The following CCBE1 variants were observed in gnomAD, a reference collection of about 807,000 sequenced individuals.
The protein encoded by CCBE1 is collagen and calcium-binding EGF domain-containing protein 1.
Under a neutral mutation model 50.0 loss-of-function variants are expected in CCBE1, and 37 were observed. The observed-to-expected ratio is 0.74, with a 90% CI of 0.57 to 0.97. The LOEUF is 0.97. Among genes scored for constraint, CCBE1 ranks in the 50% least tolerant of loss-of-function variants. CCBE1 has a pLI of 0.00. For missense variants in CCBE1, 538 were observed against 523.8 expected, an observed-to-expected ratio of 1.03 and a Z score of -0.26; for synonymous variants, 234 against 203.7, an observed-to-expected ratio of 1.15 and a Z score of -1.27.
At chr18:59,498,178 G>A (rs1008094000) in intron 2 of CCBE1, among the ~76,000 whole-genome samples, 1 of 151,472 alleles carries the variant, frequency 6.6e-6, no homozygotes, top group Non-Finnish European at 1.5e-5. Flanking sequence ...TGGCATTTCT[G>A]TTCTTTGCAA....
chr18:59,524,693 A>AAT (rs1914745344), intron 2 of CCBE1, among the ~76,000 whole-genome samples: 1 of 152,194 alleles, frequency 6.6e-6, no homozygotes. Context: ...TGCACCTATT[A>AAT]ACCCATCACC....
At chr18:59,509,981 G>A (rs565556653) in intron 2 of CCBE1, among the ~76,000 whole-genome samples, 2 of 152,256 alleles carry the variant, frequency 1.3e-5, no homozygotes, top group East Asian at 1.9e-4. Flanking sequence ...TGCCAGAGGC[G>A]AGAAGCCAGC....
At chr18:59,625,589 G>C (rs1004651858) in intron 2 of CCBE1, among the ~76,000 whole-genome samples, 1 of 152,194 alleles carries the variant, frequency 6.6e-6, no homozygotes, top group Non-Finnish European at 1.5e-5. Flanking sequence ...GACTGAATTA[G>C]TTCTGAAAAG....
At chr18:59,607,237 C>T (rs181396076) in intron 2 of CCBE1, among the ~76,000 whole-genome samples, 32 of 152,252 alleles carry the variant, frequency 2.1e-4, no homozygotes, top group Admixed American at 1.8e-3. Flanking sequence ...TTTTGGCTGA[C>T]ATTTAGATAA....
rs989913399 is a variant in CCBE1 at position 59,658,891 on chromosome 18, A to C, written c.212+37738T>G. On this transcript the variant is annotated intron_variant, in intron 2 of 10. Transcript: ENST00000439986. Reference sequence around the variant, plus strand: ...CAAGACTCTGTCTCAAAAAAAAAAAAAAAAAAAAAAAAAAACTGTTACCAG... The same window carrying C: ...CAAGACTCTGTCTCAAAAAAAAAAACAAAAAAAAAAAAAAACTGTTACCAG... Among the ~76,000 whole-genome samples the C allele has an allele frequency of 1.3e-3, 202 of 150,954 alleles. 1 individual carries two copies. Among genetic ancestry groups the C allele is most frequent in the African/African-American group, 4.6e-3 (190 of 41,240 alleles).
intron 4 of CCBE1, among the ~76,000 whole-genome samples, chr18:59,467,677 C>T (rs367862200): frequency 6.6e-6 from 1 of 152,198 alleles, no homozygotes; most frequent in African/African-American, 2.4e-5. Context: ...ATTCCATTTC[C>T]TGTTCACTGG....
chr18:59,454,759 G>A, intron 6 of CCBE1, 92 bp downstream of exon 6: 1 of 1,111,530 alleles, frequency 9.0e-7, no homozygotes, highest in Non-Finnish European at 1.4e-6. Context: ...GCTCAATGTG[G>A]ATATTTTCTT....
intron 2 of CCBE1, among the ~76,000 whole-genome samples, chr18:59,689,608 A>G (rs2054702800): frequency 6.6e-6 from 1 of 152,206 alleles, no homozygotes; most frequent in Admixed American, 6.5e-5. Flanking sequence ...ACAGATCTAT[A>G]ATGCATTATG....
At chr18:59,539,017 A>G (rs1433787727) in intron 2 of CCBE1, among the ~76,000 whole-genome samples, 1 of 151,762 alleles carries the variant, frequency 6.6e-6, no homozygotes, top group African/African-American at 2.4e-5. Context: ...ATCTCTAGAA[A>G]AGTAAAAAAC....
intron 2 of CCBE1, among the ~76,000 whole-genome samples, chr18:59,508,492 G>A (rs919266738): frequency 2.6e-5 from 4 of 151,878 alleles, no homozygotes; most frequent in Non-Finnish European, 5.9e-5. Flanking sequence ...AGTTACCCAG[G>A]AGGCTGAGGC....
At chr18:59,564,446 A>G (rs1195919401) in intron 2 of CCBE1, among the ~76,000 whole-genome samples, 1 of 152,246 alleles carries the variant, frequency 6.6e-6, no homozygotes, top group African/African-American at 2.4e-5. Flanking sequence ...ATAGAGCTGC[A>G]TATTATTTCA....
chr18:59,617,926 A>T (rs184383870), intron 2 of CCBE1, among the ~76,000 whole-genome samples: 7 of 152,318 alleles, frequency 4.6e-5, no homozygotes, highest in Admixed American at 2.0e-4. Flanking sequence ...ATGCAGAATT[A>T]ATCAGAAATT....
At chr18:59,582,466 A>C (rs1455759338) in intron 2 of CCBE1, among the ~76,000 whole-genome samples, 5 of 152,224 alleles carry the variant, frequency 3.3e-5, no homozygotes, top group Admixed American at 2.0e-4. Context: ...AAAAAGCTGA[A>C]ACTTAAATGT....
At chr18:59,630,978 T>C (rs576578428) in intron 2 of CCBE1, among the ~76,000 whole-genome samples, 1 of 152,324 alleles carries the variant, frequency 6.6e-6, no homozygotes, top group East Asian at 1.9e-4. Flanking sequence ...GCCAAGGTCA[T>C]AGACATCTGT....
At chr18:59,647,320 T>C (rs548399812) in intron 2 of CCBE1, among the ~76,000 whole-genome samples, 1 of 152,322 alleles carries the variant, frequency 6.6e-6, no homozygotes, top group African/African-American at 2.4e-5. Flanking sequence ...GAAATGACCA[T>C]ATGTTATGTG....
intron 2 of CCBE1, among the ~76,000 whole-genome samples, chr18:59,673,505 TTGCTTAACACAG>T (rs1318002856): frequency 6.6e-6 from 1 of 152,134 alleles, no homozygotes; most frequent in Non-Finnish European, 1.5e-5. Flanking sequence ...AAAATACACA[TTGCTTAACACAG>T]TGCCTGGAAC....
At chr18:59,543,795 A>G (rs1243520998) in intron 2 of CCBE1, among the ~76,000 whole-genome samples, 1 of 137,882 alleles carries the variant, frequency 7.3e-6, no homozygotes, top group Non-Finnish European at 1.5e-5. Flanking sequence ...AGATCGCGCC[A>G]CTGCACTCCA....
intron 2 of CCBE1, among the ~76,000 whole-genome samples, chr18:59,498,115 C>T (rs967571535): frequency 2.6e-5 from 4 of 152,198 alleles, no homozygotes; most frequent in East Asian, 1.9e-4. Flanking sequence ...CATCTCCTCA[C>T]GTTCTAACTC....
At chr18:59,546,982 A>G (rs1002633906) in intron 2 of CCBE1, among the ~76,000 whole-genome samples, 8 of 146,122 alleles carry the variant, frequency 5.5e-5, no homozygotes, top group Admixed American at 1.4e-4. Flanking sequence ...TGAGAATTAC[A>G]TGGGGTTTAA....
Sources: allele counts gnomAD v4.1 joint callset (sites outside exome capture counted in the v4.1 genomes callset), GRCh38; gene constraint gnomAD v4.1.1; transcripts MANE v1.5; gene names NCBI Gene and HGNC (gene_info 2026-07-23, HGNC 2026-07-21).